Variants in SLC9A9 observed in about 807,000 individuals in gnomAD.
SLC9A9 encodes solute carrier family 9 member A9.
SLC9A9 carries 62 observed loss-of-function variants against 77.8 expected under a neutral mutation model. That is an observed-to-expected ratio of 0.80 (90% confidence interval 0.65 to 0.98). The LOEUF is 0.98. Among genes scored for constraint, SLC9A9 ranks in the 50% least tolerant of loss-of-function variants. The probability of loss-of-function intolerance (pLI) is 0.00; values close to 1 mark genes in which losing one functional copy is unlikely to be tolerated. For missense variants in SLC9A9, 775 were observed against 774.9 expected (o/e 1.00, Z 0.00); for synonymous variants, 320 against 283.5 (o/e 1.13, Z -1.29).
intron 9 of SLC9A9, among the ~76,000 whole-genome samples, chr3:143,534,532 C>G (rs566095331): frequency 2.6e-4 from 40 of 152,268 alleles, no homozygotes; most frequent in African/African-American, 9.6e-4. Flanking sequence ...TGCTTGGATA[C>G]AGATGGTGGG....
intron 14 of SLC9A9, among the ~76,000 whole-genome samples, chr3:143,328,077 A>C (rs1359756337): frequency 6.6e-6 from 1 of 152,196 alleles, no homozygotes; most frequent in Non-Finnish European, 1.5e-5. Flanking sequence ...TATAAATCAG[A>C]ATCTGAGTTT....
At chr3:143,457,949 T>A (rs1403760715) in intron 12 of SLC9A9, among the ~76,000 whole-genome samples, 2 of 152,200 alleles carry the variant, frequency 1.3e-5, no homozygotes, top group African/African-American at 2.4e-5. Flanking sequence ...GTCAATTAAA[T>A]GCAGCTGGTT....
intron 8 of SLC9A9, among the ~76,000 whole-genome samples, chr3:143,557,180 C>T (rs763928370): frequency 1.3e-5 from 2 of 152,076 alleles, no homozygotes; most frequent in Non-Finnish European, 2.9e-5. Context: ...ATGTGTCTGG[C>T]GTTTCCCCTG....
chr3:143,696,939 A>G (rs760116891), intron 4 of SLC9A9, among the ~76,000 whole-genome samples: 106 of 152,180 alleles, frequency 7.0e-4, no homozygotes, highest in Non-Finnish European at 4.4e-4. Context: ...AAAATATTCT[A>G]TAGCTTATTA....
intron 12 of SLC9A9, among the ~76,000 whole-genome samples, chr3:143,454,838 C>G (rs997945034): frequency 4.6e-5 from 7 of 152,200 alleles, no homozygotes; most frequent in Admixed American, 2.0e-4. Flanking sequence ...TCCCAGCTCC[C>G]AGAGGCTTCC....
At chr3:143,544,431 G>C (rs111451946) in intron 9 of SLC9A9, among the ~76,000 whole-genome samples, 1 of 152,010 alleles carries the variant, frequency 6.6e-6, no homozygotes, top group African/African-American at 2.4e-5. Context: ...GTTTCACTGT[G>C]TTAGCCAGGA....
At chr3:143,451,342 G>C (rs2035004258) in intron 12 of SLC9A9, among the ~76,000 whole-genome samples, 2 of 152,072 alleles carry the variant, frequency 1.3e-5, no homozygotes, top group South Asian at 4.1e-4. Flanking sequence ...GTAGAATCCA[G>C]CACTTATTTT....
intron 9 of SLC9A9, among the ~76,000 whole-genome samples, chr3:143,541,408 C>T (rs2036687998): frequency 6.6e-6 from 1 of 152,212 alleles, no homozygotes; most frequent in Non-Finnish European, 1.5e-5. Context: ...CCCTGATCAA[C>T]AATTTGTCAG....
intron 14 of SLC9A9, among the ~76,000 whole-genome samples, chr3:143,361,327 G>T (rs1273245759): frequency 1.3e-5 from 2 of 152,164 alleles, no homozygotes; most frequent in African/African-American, 4.8e-5. Flanking sequence ...TTTCAGCCTT[G>T]TGACAATTTC....
chr3:143,613,799 T>A (rs2038060025), intron 6 of SLC9A9, among the ~76,000 whole-genome samples: 1 of 152,064 alleles, frequency 6.6e-6, no homozygotes, highest in South Asian at 2.1e-4. Flanking sequence ...ATAATTATAA[T>A]TTTTTATTCC....
chr3:143,650,126 A>G (rs969163746), intron 6 of SLC9A9, among the ~76,000 whole-genome samples: 1 of 152,170 alleles, frequency 6.6e-6, no homozygotes, highest in Non-Finnish European at 1.5e-5. Flanking sequence ...AGGAGGAGTG[A>G]GCTTTGTTCA....
intron 5 of SLC9A9, among the ~76,000 whole-genome samples, chr3:143,667,740 C>A (rs1576646408): frequency 2.0e-5 from 3 of 152,188 alleles, no homozygotes; most frequent in Admixed American, 2.0e-4. Context: ...AAATGTTCAT[C>A]ATCACTGGCC....
At chr3:143,582,286 A>T (rs1042386450) in intron 6 of SLC9A9, among the ~76,000 whole-genome samples, 1 of 152,244 alleles carries the variant, frequency 6.6e-6, no homozygotes, top group African/African-American at 2.4e-5. Context: ...CATCTGTAAA[A>T]TGGAGATAAT....
rs147639989 is a variant in SLC9A9 at position 143,419,062 on chromosome 3, C to T, written c.1470-36948G>A. Among the ~76,000 whole-genome samples, 109 of 152,166 alleles carry T rather than the reference C, an allele frequency of 7.2e-4. 1 individual carries two copies. The highest frequency in any genetic ancestry group is 2.5e-3 in the African/African-American group (102 of 41,506). On this transcript the variant is annotated intron_variant, in intron 12 of 15. Transcript: ENST00000316549. ...ACTACATGTGTAAATTACCAGTTTA[C>T]GGTAATTTAATTTGTGGAATGCTTT...
rs2032246865 is a variant in SLC9A9, at chr3:143,345,672, A to G, written c.1604+17812T>C. ...ATCTGAAGTTGTTGATCAATAATAG[A>G]TAAGGGAACCAGTCTCTGCAGGTGT... On this transcript the variant is annotated intron_variant, in intron 14 of 15. Coordinates refer to ENST00000316549, the MANE Select transcript of SLC9A9 (RefSeq NM_173653.4). Among the ~76,000 whole-genome samples the G allele has an allele frequency of 4.6e-5, 7 of 152,212 alleles. No homozygotes were observed. The South Asian group carries it at 1.4e-3, about 32-fold the overall frequency.
intron 14 of SLC9A9, among the ~76,000 whole-genome samples, chr3:143,305,045 G>T (rs1355671561): frequency 6.6e-6 from 1 of 152,040 alleles, no homozygotes; most frequent in African/African-American, 2.4e-5. Flanking sequence ...ATTAATTTCT[G>T]GGATTGAGAA....
intron 4 of SLC9A9, among the ~76,000 whole-genome samples, chr3:143,789,303 C>G (rs368044111): frequency 6.6e-6 from 1 of 152,204 alleles, no homozygotes; most frequent in South Asian, 2.1e-4. Flanking sequence ...CTGACTTTCT[C>G]TTTGCCCAGG....
intron 12 of SLC9A9, among the ~76,000 whole-genome samples, chr3:143,461,821 C>T (rs1214658924): frequency 2.0e-5 from 3 of 152,140 alleles, no homozygotes; most frequent in Non-Finnish European, 2.9e-5. Flanking sequence ...ATATATATTC[C>T]TCCATTGTAT....
At chr3:143,807,165 T>C (rs148010142) in intron 2 of SLC9A9, among the ~76,000 whole-genome samples, 4 of 152,300 alleles carry the variant, frequency 2.6e-5, no homozygotes, top group African/African-American at 9.6e-5. Flanking sequence ...GTGTGTAGGC[T>C]GGGCACAGTG....
Sources: allele counts gnomAD v4.1 joint callset (sites outside exome capture counted in the v4.1 genomes callset), GRCh38; gene constraint gnomAD v4.1.1; transcripts MANE v1.5; gene names NCBI Gene and HGNC (gene_info 2026-07-23, HGNC 2026-07-21).